The following AGAP1 variants were observed in gnomAD, a reference collection of about 807,000 sequenced individuals.
AGAP1 encodes the protein ArfGAP with GTPase domain, ankyrin repeat and PH domain 1.
Under a neutral mutation model 105.3 loss-of-function variants are expected in AGAP1, and 29 were observed. The ratio of observed to expected loss-of-function variants is 0.28; its 90% CI spans 0.21 to 0.38. AGAP1 has a LOEUF of 0.38. AGAP1 is among the 10% of genes least tolerant of loss of function. The pLI is 1.00. For synonymous variants in AGAP1, 509 were observed against 485.9 expected, an observed-to-expected ratio of 1.05 and a Z score of -0.63; for missense variants, 998 against 1,165.1, an observed-to-expected ratio of 0.86 and a Z score of 2.09.
intron 1 of AGAP1, among the ~76,000 whole-genome samples, chr2:235,495,915 C>T (rs1232879774): frequency 1.3e-5 from 2 of 152,158 alleles, no homozygotes; most frequent in African/African-American, 2.4e-5. Context: ...ACAGACTGGC[C>T]GGTAAGACCT....
chr2:235,668,003 C>A, intron 1 of AGAP1, among the ~76,000 whole-genome samples: 1 of 135,988 alleles, frequency 7.4e-6, no homozygotes, highest in African/African-American at 2.7e-5. Flanking sequence ...TATTGAAACT[C>A]AAAAGGTAAA....
At chr2:235,703,188 A>G (rs546084407) in intron 1 of AGAP1, among the ~76,000 whole-genome samples, 11 of 152,104 alleles carry the variant, frequency 7.2e-5, no homozygotes, top group Admixed American at 6.5e-4. Flanking sequence ...TCAGCCTCAC[A>G]AAGTGCTGGG....
rs573857923 is a variant in AGAP1, at chr2:235,673,465, T to C, written c.164-35714T>C. 3.3e-5 allele frequency among the ~76,000 whole-genome samples: 5 copies of C among 152,304 alleles called. No individual in the cohort carries two copies. In the South Asian group the frequency reaches 1.0e-3, roughly 32 times the overall value. Reference sequence around the variant, plus strand: ...CTGAGGAAGGTAAAATGGTGTGTGTTATATAGAACGCTGCTTGTGAGATCG... The same window carrying C: ...CTGAGGAAGGTAAAATGGTGTGTGTCATATAGAACGCTGCTTGTGAGATCG... On this transcript the variant is annotated intron_variant, in intron 1 of 17. Coordinates refer to ENST00000304032, the MANE Select transcript of AGAP1 (RefSeq NM_001037131.3).
intron 1 of AGAP1, among the ~76,000 whole-genome samples, chr2:235,616,673 G>T (rs1433816022): frequency 1.3e-5 from 2 of 152,120 alleles, no homozygotes; most frequent in Non-Finnish European, 2.9e-5. Context: ...TGCCCCACCT[G>T]TGGTTTCATT....
Position 235,510,118 on chromosome 2 carries a change from A to G in AGAP1, c.163+15269A>G, listed in dbSNP as rs187602703. On this transcript the variant is annotated intron_variant, in intron 1 of 17. Coordinates refer to ENST00000304032, the MANE Select transcript of AGAP1 (RefSeq NM_001037131.3). Reference sequence around the variant, plus strand: ...TCAGGGCTCCCACTGATTCTACGTTATGGTGAGTTGTAGAATTTTTTTCAT... The same window carrying G: ...TCAGGGCTCCCACTGATTCTACGTTGTGGTGAGTTGTAGAATTTTTTTCAT... Among the ~76,000 whole-genome samples, 4 of 152,340 alleles carry G rather than the reference A, an allele frequency of 2.6e-5. No homozygotes were observed. In the East Asian group the frequency reaches 7.7e-4, roughly 29 times the overall value.
intron 13 of AGAP1, among the ~76,000 whole-genome samples, chr2:235,972,612 T>A (rs6734997): frequency 0.12 from 17,885 of 152,034 alleles, 2,660 homozygotes; most frequent in African/African-American, 0.35. Flanking sequence ...GGTGAGGGTG[T>A]CCTCACTCTT....
Position 235,891,380 on chromosome 2 carries a change from G to A in AGAP1, c.1155+7931G>A, listed in dbSNP as rs1267430903. The stretch of plus-strand genomic sequence containing the variant: ...GCCCTAACTGCTTAACTTTCTTGGG[G>A]GAAATATATATGAGTGTCTCATGGT... On this transcript the variant is annotated intron_variant, in intron 10 of 17. Transcript: ENST00000304032. The surrounding 1 kb of genome is among the most constrained non-coding windows in gnomAD (Gnocchi z 4.2). 1.3e-5 allele frequency among the ~76,000 whole-genome samples: 2 copies of A among 152,130 alleles called. No individual in the cohort carries two copies. The highest frequency in any genetic ancestry group is 2.9e-5 in the Non-Finnish European group (2 of 68,032).
chr2:235,880,803 C>G lies in AGAP1; in HGVS notation c.1051-2542C>G, dbSNP rs531893747. 6.2e-4 allele frequency among the ~76,000 whole-genome samples: 94 copies of G among 152,070 alleles called. 1 individual carries two copies. In the South Asian group the frequency reaches 0.019, roughly 31 times the overall value. On this transcript the variant is annotated intron_variant, in intron 9 of 17. Coordinates refer to ENST00000304032, the MANE Select transcript of AGAP1 (RefSeq NM_001037131.3). ...TTGTTATGCTAAGTTTTAAAATCCA[C>G]GGGAATCCCACTGAAGAGGGGTCTC...
intron 8 of AGAP1, among the ~76,000 whole-genome samples, chr2:235,800,591 C>CTTGAGAA (rs1195158428): frequency 6.6e-6 from 1 of 152,184 alleles, no homozygotes; most frequent in Non-Finnish European, 1.5e-5. Context: ...AGCATTTGGA[C>CTTGAGAA]TTGAGAAGAA....
rs149040480 is a variant in AGAP1, at chr2:235,882,404, C to T, written c.1051-941C>T. On this transcript the variant is annotated intron_variant, in intron 9 of 17. Coordinates refer to ENST00000304032, the MANE Select transcript of AGAP1 (RefSeq NM_001037131.3). The surrounding 1 kb of genome is among the most constrained non-coding windows in gnomAD (Gnocchi z 4.6). Reference sequence around the variant, plus strand: ...GCTTCTGCCCAGTGGTCTCTTTGGTCGGCAGGGTGTTCTTCTCCTGCGTCT... The same window carrying T: ...GCTTCTGCCCAGTGGTCTCTTTGGTTGGCAGGGTGTTCTTCTCCTGCGTCT... 29 of 1,579,556 alleles carry T rather than the reference C, an allele frequency of 1.8e-5. No homozygotes were observed. The highest frequency in any genetic ancestry group is 1.1e-4 in the South Asian group (10 of 89,372).
At chr2:235,496,706 A>G (rs1941333742) in intron 1 of AGAP1, among the ~76,000 whole-genome samples, 1 of 152,134 alleles carries the variant, frequency 6.6e-6, no homozygotes. Flanking sequence ...ACTTCCAGCA[A>G]AGCAGTTTGA....
In AGAP1 at chr2:235,883,091, T is replaced by C. The variant is rs2106628401; in HGVS notation, c.1051-254T>C. Among the ~76,000 whole-genome samples the C allele has an allele frequency of 6.6e-6, 1 of 152,296 alleles. No homozygotes were observed. Among genetic ancestry groups the C allele is most frequent in the South Asian group, 2.1e-4 (1 of 4,812 alleles). ...TACACCGTGCCCAGCCTGGGGTTTC[T>C]TTCTTTAAAACATTATACCTTTAGG... On this transcript the variant is annotated intron_variant, in intron 9 of 17. Coordinates refer to ENST00000304032, the MANE Select transcript of AGAP1 (RefSeq NM_001037131.3). This position sits in a 1 kb window ranked among gnomAD's most constrained non-coding sequence, Gnocchi z 4.5.
In AGAP1 at chr2:235,992,655, G is replaced by A. The variant is rs192529338; in HGVS notation, c.1645+24032G>A. Among the ~76,000 whole-genome samples the A allele has an allele frequency of 2.3e-3, 345 of 152,328 alleles. 2 individuals are homozygous for A. Among genetic ancestry groups the A allele is most frequent in the African/African-American group, 7.6e-3 (315 of 41,578 alleles). On this transcript the variant is annotated intron_variant, in intron 13 of 17. Transcript: ENST00000304032. This position sits in a 1 kb window ranked among gnomAD's most constrained non-coding sequence, Gnocchi z 4.8. ...TTGAAGGCAATACTCATCAGAGTAT[G>A]CATTAAGTAGCATTGAACCACATTT... is the stretch of plus-strand genomic sequence containing the variant.
chr2:235,610,296 A>C lies in AGAP1; in HGVS notation c.164-98883A>C, dbSNP rs1946083096. 6.6e-6 allele frequency among the ~76,000 whole-genome samples: 1 copy of C among 152,098 alleles called. No individual in the cohort carries two copies. The highest frequency in any genetic ancestry group is 1.5e-5 in the Non-Finnish European group (1 of 68,018). ...TCCTTATGATACCTCGTCATCTTGGAGTCCACCGTGCACTTGTCCGCTTGG... is the reference window on the plus strand; with the variant it reads ...TCCTTATGATACCTCGTCATCTTGGCGTCCACCGTGCACTTGTCCGCTTGG... On this transcript the variant is annotated intron_variant, in intron 1 of 17. Transcript: ENST00000304032. The surrounding 1 kb of genome is among the most constrained non-coding windows in gnomAD (Gnocchi z 4.9).
intron 16 of AGAP1, among the ~76,000 whole-genome samples, chr2:236,102,151 C>CAGG (rs2059364053): frequency 1.3e-5 from 2 of 152,080 alleles, no homozygotes; most frequent in Admixed American, 6.5e-5. Context: ...GGCGCGGTGG[C>CAGG]TCACGCCTGT....
rs78618291 is a variant in AGAP1, at chr2:235,799,999, T to A, written c.957+477T>A. 6.6e-6 allele frequency among the ~76,000 whole-genome samples: 1 copy of A among 152,200 alleles called. No homozygotes were observed. The highest frequency in any genetic ancestry group is 1.5e-5 in the Non-Finnish European group (1 of 68,014). ...CTGGAGGCTCATTGCCATGAGGCTC[T>A]CCACTTGGGTTTTTTGCTGTAGAGC... On this transcript the variant is annotated intron_variant, in intron 8 of 17. Coordinates refer to ENST00000304032, the MANE Select transcript of AGAP1 (RefSeq NM_001037131.3). The surrounding 1 kb of genome is among the most constrained non-coding windows in gnomAD (Gnocchi z 5.0).
rs145850174 is a variant in AGAP1 at position 235,877,501 on chromosome 2, G to A, written c.1051-5844G>A. On this transcript the variant is annotated intron_variant, in intron 9 of 17. Coordinates refer to ENST00000304032, the MANE Select transcript of AGAP1 (RefSeq NM_001037131.3). The surrounding 1 kb of genome is among the most constrained non-coding windows in gnomAD (Gnocchi z 4.3). The stretch of plus-strand genomic sequence containing the variant: ...TGCTTTCATACTGAGAAATCGTTTC[G>A]TGTACAGCATGCGGTGCCTTCCCCG... Among the ~76,000 whole-genome samples, 664 of 152,068 alleles carry A rather than the reference G, an allele frequency of 4.4e-3. 12 individuals are homozygous for A. Among genetic ancestry groups the A allele is most frequent in the African/African-American group, 0.015 (623 of 41,506 alleles).
At chr2:235,617,429 CG>C (rs1264560101) in intron 1 of AGAP1, among the ~76,000 whole-genome samples, 1 of 152,114 alleles carries the variant, frequency 6.6e-6, no homozygotes, top group African/African-American at 2.4e-5. Flanking sequence ...TGGCCAGGTG[CG>C]GTGGCTCACA....
At position 236,128,412 on chromosome 2, in the gene AGAP1, C is replaced by A; in HGVS notation, c.*4290C>A. 6.6e-6 allele frequency: 1 copy of A among 152,464 alleles called. No individual in the cohort carries two copies. The highest frequency in any genetic ancestry group is 1.5e-5 in the Non-Finnish European group (1 of 68,112). 9.4% of individuals were successfully genotyped at this position (152,464 alleles called of 1,614,324 possible). On this transcript the variant is annotated 3_prime_UTR_variant, in exon 18 of 18. Transcript: ENST00000304032. This position sits in a 1 kb window ranked among gnomAD's most constrained non-coding sequence, Gnocchi z 5.9. ...GCCGTTGCCATGAGCCGCTGTGACT[C>A]ACGCGTGCACTGGGCCTTGCTTGGT...
Sources: allele counts gnomAD v4.1 joint callset (sites outside exome capture counted in the v4.1 genomes callset), GRCh38; gene constraint gnomAD v4.1.1; non-coding constraint Gnocchi (gnomAD v3.1); transcripts MANE v1.5; gene names NCBI Gene and HGNC (gene_info 2026-07-23, HGNC 2026-07-21).